Variants in ZSWIM2 observed in about 807,000 individuals in gnomAD.
ZSWIM2 encodes the protein zinc finger SWIM-type containing 2.
Under a neutral mutation model 48.4 loss-of-function variants are expected in ZSWIM2, and 38 were observed. That is an observed-to-expected ratio of 0.79 (90% CI 0.61 to 1.03). The LOEUF is 1.03. Ranked by LOEUF, ZSWIM2 falls within the 50% of genes least tolerant of loss-of-function variation. ZSWIM2 has a pLI of 0.00. For missense variants in ZSWIM2, 776 were observed against 730.2 expected (o/e 1.06, Z -0.72); for synonymous variants, 240 against 251.3 (o/e 0.96, Z 0.42).
intron 2 of ZSWIM2, among the ~76,000 whole-genome samples, chr2:186,847,197 A>G (rs1692020345): frequency 6.6e-6 from 1 of 152,086 alleles, no homozygotes; most frequent in Non-Finnish European, 1.5e-5. Flanking sequence ...ATAAAAATAC[A>G]TGAAAATTTA....
intron 3 of ZSWIM2, 114 bp downstream of exon 3, chr2:186,844,603 T>A (rs1208648552): frequency 4.7e-6 from 5 of 1,072,980 alleles, no homozygotes; most frequent in Non-Finnish European, 6.6e-6. Flanking sequence ...TACGATTCCC[T>A]AGAAAAGTAA....
In ZSWIM2 at chr2:186,833,106, A is replaced by G; in HGVS notation, c.941+14T>C. ...CTGTCATACAACAAATATAAAATTT[A>G]CTGGGAACCTCACCCTTGCTTTTCT... On this transcript the variant is annotated intron_variant, in intron 7 of 8. Coordinates refer to ENST00000295131, the MANE Select transcript of ZSWIM2 (RefSeq NM_182521.3). 8.2e-7 allele frequency: 1 copy of G among 1,221,862 alleles called. No individual in the cohort carries two copies. The highest frequency in any genetic ancestry group is 1.6e-5 in the African/African-American group (1 of 62,372). 75.7% of individuals were successfully genotyped at this position (1,221,862 alleles called of 1,614,324 possible).
In ZSWIM2 at chr2:186,828,636, G is replaced by T. The variant is rs1315534351; in HGVS notation, c.1250C>A (p.Ser417Ter). ...SVSNRDIIHLSKQKEPDLFIP... is the reference protein window; with the variant it reads ...SVSNRDIIHL ...AAAAAGATCTGGTTCTTTCTGCTTT[G>T]ATAGATGAATGATGTCTCTGTTTGA... The change falls in exon 9 of 9, where the codon TCA (serine) becomes TAA (stop). Residue 417 changes from serine (S) to a stop codon, truncating the protein, a stop_gained. Coordinates refer to ENST00000295131, the MANE Select transcript of ZSWIM2 (RefSeq NM_182521.3). LOFTEE classifies it low-confidence loss of function (END_TRUNC). 2 of 1,612,620 alleles carry T rather than the reference G, an allele frequency of 1.2e-6. No homozygotes were observed. Among genetic ancestry groups the T allele is most frequent in the Middle Eastern group, 1.6e-4 (1 of 6,072 alleles).
chr2:186,838,267 C>A (rs1249691792), intron 4 of ZSWIM2, among the ~76,000 whole-genome samples: 1 of 149,538 alleles, frequency 6.7e-6, no homozygotes, highest in Non-Finnish European at 1.5e-5. Flanking sequence ...GACAGCTGAT[C>A]TGAGGTCTAA....
intron 7 of ZSWIM2, among the ~76,000 whole-genome samples, chr2:186,831,569 T>C (rs1251900050): frequency 6.6e-6 from 1 of 151,974 alleles, no homozygotes; most frequent in East Asian, 1.9e-4. Flanking sequence ...TAAAGACACA[T>C]GCACACGTAT....
Position 186,827,997 on chromosome 2 carries a change from C to T in ZSWIM2, c.1889G>A (p.Gly630Glu), listed in dbSNP as rs765134992. Residue 630 changes from glycine (G) to glutamate (E), a missense_variant, in exon 9 of 9, where the codon GGA (glycine) becomes GAA (glutamate). Physicochemically the swap from Gly to Glu is moderately conservative, Grantham distance 98. Coordinates refer to ENST00000295131, the MANE Select transcript of ZSWIM2 (RefSeq NM_182521.3). ...KSTELSLIIE[G>E]VQL ...TAGTAAACTTTTTCACAATTGAACT[C>T]CTTCTATTATTAAAGATAGCTCAGT... The T allele has an allele frequency of 1.1e-5, 17 of 1,574,456 alleles. No homozygotes were observed. Among genetic ancestry groups the T allele is most frequent in the African/African-American group, 1.4e-5 (1 of 72,930 alleles).
At chr2:186,831,749 A>G (rs906409055) in intron 7 of ZSWIM2, among the ~76,000 whole-genome samples, 1 of 152,126 alleles carries the variant, frequency 6.6e-6, no homozygotes, top group Non-Finnish European at 1.5e-5. Flanking sequence ...GCTGGAAACC[A>G]TCATTCTCAG....
intron 5 of ZSWIM2, 37 bp downstream of exon 5, chr2:186,837,265 TAAAA>T (rs751588725): frequency 6.3e-7 from 1 of 1,598,976 alleles, no homozygotes; most frequent in South Asian, 1.1e-5. Context: ...TGTAAAAAAA[TAAAA>T]AAGAACACAT....
intron 3 of ZSWIM2, among the ~76,000 whole-genome samples, chr2:186,842,713 C>G (rs10201512): frequency 6.6e-6 from 1 of 151,268 alleles, no homozygotes; most frequent in African/African-American, 2.4e-5. Context: ...AATATGGTAG[C>G]CATTAGCCAC....
chr2:186,845,731 A>T (rs1372515583), intron 2 of ZSWIM2, among the ~76,000 whole-genome samples: 4 of 151,530 alleles, frequency 2.6e-5, no homozygotes, highest in African/African-American at 9.7e-5. Context: ...TTTAAGCTTA[A>T]GGAACTTTTT....
At chr2:186,848,824 A>T in intron 1 of ZSWIM2, 142 bp downstream of exon 1, 1 of 1,005,048 alleles carries the variant, frequency 9.9e-7, no homozygotes, top group Non-Finnish European at 1.5e-6. Flanking sequence ...AGTCTGGAAC[A>T]CTCGTGGGAA....
At chr2:186,829,989 G>A in intron 7 of ZSWIM2, 109 bp from the exon 8 acceptor site, 2 of 1,097,554 alleles carry the variant, frequency 1.8e-6, no homozygotes, top group Middle Eastern at 2.2e-4. Context: ...TCGAACCCTA[G>A]GTTTTCTTGA....
In ZSWIM2 at chr2:186,828,645, A is replaced by G; in HGVS notation, c.1241T>C (p.Ile414Thr). ...AHQSVSNRDI[I>T]HLSKQKEPDL... ...TGGTTCTTTCTGCTTTGATAGATGA[A>G]TGATGTCTCTGTTTGAAACAGACTG... The change falls in exon 9 of 9, where the codon ATT (isoleucine) becomes ACT (threonine). Residue 414 changes from isoleucine to threonine, a missense_variant. Coordinates refer to ENST00000295131, the MANE Select transcript of ZSWIM2 (RefSeq NM_182521.3). 1 of 1,612,918 alleles carries G rather than the reference A, an allele frequency of 6.2e-7. No homozygotes were observed. The highest frequency in any genetic ancestry group is 1.1e-5 in the South Asian group (1 of 91,022).
intron 5 of ZSWIM2, among the ~76,000 whole-genome samples, chr2:186,834,366 G>A (rs547755268): frequency 2.7e-4 from 41 of 152,180 alleles, no homozygotes; most frequent in African/African-American, 9.6e-4. Flanking sequence ...TAGAGTAGGG[G>A]TCCCCAACCC....
At chr2:186,846,814 T>C (rs867119964) in intron 2 of ZSWIM2, among the ~76,000 whole-genome samples, 5,222 of 148,532 alleles carry the variant, frequency 0.035, 318 homozygotes, top group African/African-American at 0.12. Context: ...CACACACATA[T>C]ATATATATAT....
chr2:186,829,670 T>G, intron 8 of ZSWIM2, 57 bp downstream of exon 8: 1 of 1,564,244 alleles, frequency 6.4e-7, no homozygotes, highest in Non-Finnish European at 8.7e-7. Context: ...AATTGTCACT[T>G]CATTTGTGAA....
In ZSWIM2 at chr2:186,839,185, A is replaced by C. The variant is rs1212997191; in HGVS notation, c.284-16T>G. ...TGTAAAGCAGCTAGTGAGAAATCCC[A>C]AAGTATTAAAATCCAGTCATAAAAT... On this transcript the variant is annotated splice_polypyrimidine_tract_variant and intron_variant, in intron 3 of 8. Coordinates refer to ENST00000295131, the MANE Select transcript of ZSWIM2 (RefSeq NM_182521.3). The C allele has an allele frequency of 2.5e-6, 4 of 1,608,188 alleles. No homozygotes were observed. Among genetic ancestry groups the C allele is most frequent in the South Asian group, 1.1e-5 (1 of 90,686 alleles).
At chr2:186,838,482 A>G (rs761222744) in intron 4 of ZSWIM2, among the ~76,000 whole-genome samples, 4 of 150,076 alleles carry the variant, frequency 2.7e-5, no homozygotes, top group Non-Finnish European at 5.9e-5. Context: ...CTTTATAACT[A>G]TAATAAACCA....
chr2:186,838,674 T>C (rs1435762721), intron 4 of ZSWIM2, among the ~76,000 whole-genome samples: 4 of 147,318 alleles, frequency 2.7e-5, no homozygotes, highest in East Asian at 1.9e-4. Flanking sequence ...CACATATATA[T>C]GTTGCTTCCT....
Sources: gnomAD v4.1 joint callset for allele counts (sites outside exome capture counted in the v4.1 genomes callset) on GRCh38, gnomAD v4.1.1 for gene constraint, MANE v1.5 for transcripts, NCBI Gene and HGNC (gene_info 2026-07-23, HGNC 2026-07-21) for gene names.